Variants in IHO1 observed in about 807,000 individuals in gnomAD.
IHO1 encodes interactor of HORMAD1 protein 1.
A neutral mutation model predicts 31.0 loss-of-function variants in IHO1; 13 were observed. The ratio of observed to expected loss-of-function variants is 0.42; its 90% confidence interval spans 0.27 to 0.67. The LOEUF (loss-of-function observed/expected upper bound fraction) is 0.67, where lower values mean the gene tolerates loss of function less well. Ranked by LOEUF, IHO1 falls within the 30% of genes least tolerant of loss-of-function variation. The probability of loss-of-function intolerance (pLI) is 0.24; values close to 1 mark genes in which losing one functional copy is unlikely to be tolerated. For missense variants in IHO1, 599 were observed against 687.5 expected (o/e 0.87, Z 1.44); for synonymous variants, 221 against 248.4 (o/e 0.89, Z 1.04).
chr3:49,233,581 G>A (rs920092608), intron 2 of IHO1, among the ~76,000 whole-genome samples: 1 of 152,184 alleles, frequency 6.6e-6, no homozygotes, highest in Non-Finnish European at 1.5e-5. Context: ...AATCTGTGTT[G>A]TTTGTCTTTG....
At chr3:49,227,855 G>A (rs2046434688) in intron 2 of IHO1, among the ~76,000 whole-genome samples, 1 of 152,136 alleles carries the variant, frequency 6.6e-6, no homozygotes, top group African/African-American at 2.4e-5. Flanking sequence ...CTAGCTTCAG[G>A]AATAGCTTTT....
chr3:49,250,925 G>A (rs1388293889), intron 6 of IHO1, among the ~76,000 whole-genome samples: 1 of 151,948 alleles, frequency 6.6e-6, no homozygotes, highest in East Asian at 2.0e-4. Flanking sequence ...TCAGGAGGCT[G>A]AGGCAGGAGA....
In IHO1 at chr3:49,257,338, G is replaced by A. The variant is rs2046838730; in HGVS notation, c.*56G>A. 1 of 1,537,280 alleles carries A rather than the reference G, an allele frequency of 6.5e-7. No individual in the cohort carries two copies. On this transcript the variant is annotated 3_prime_UTR_variant, in exon 8 of 8. Transcript: ENST00000452691. The stretch of plus-strand genomic sequence containing the variant: ...TAGAAAGAGAAATTGCAGGACATTT[G>A]GGCTGGCCAACAGCAGAAAGTCCCT...
intron 1 of IHO1, among the ~76,000 whole-genome samples, chr3:49,210,792 G>A (rs914267728): frequency 1.0e-4 from 15 of 148,554 alleles, no homozygotes; most frequent in African/African-American, 7.5e-5. Flanking sequence ...CTGCCTCCTG[G>A]GTTCAAGCAA....
chr3:49,221,433 G>A (rs995693349), intron 2 of IHO1, among the ~76,000 whole-genome samples: 1 of 152,218 alleles, frequency 6.6e-6, no homozygotes, highest in African/African-American at 2.4e-5. Context: ...GATTGGTGCA[G>A]TTACAATCCT....
intron 2 of IHO1, among the ~76,000 whole-genome samples, chr3:49,215,055 CTT>C (rs879326053): frequency 5.7e-5 from 8 of 141,402 alleles, no homozygotes; most frequent in African/African-American, 7.7e-5. Context: ...TGCCTTCTCT[CTT>C]TTTTTTTTTT....
chr3:49,209,758 A>G (rs1231943548), intron 1 of IHO1, among the ~76,000 whole-genome samples: 1 of 151,072 alleles, frequency 6.6e-6, no homozygotes, highest in Non-Finnish European at 1.5e-5. Context: ...ACTGTCGCCC[A>G]GGCTGGAGTG....
At chr3:49,226,827 C>G (rs1241696123) in intron 2 of IHO1, among the ~76,000 whole-genome samples, 1 of 152,122 alleles carries the variant, frequency 6.6e-6, no homozygotes, top group African/African-American at 2.4e-5. Flanking sequence ...TGAAATCTTC[C>G]CCAGATCTAC....
At chr3:49,207,376 G>C (rs918691871) in intron 1 of IHO1, among the ~76,000 whole-genome samples, 3 of 151,554 alleles carry the variant, frequency 2.0e-5, no homozygotes, top group African/African-American at 7.3e-5. Flanking sequence ...CTCCCGAGTA[G>C]CTGGGACTAC....
intron 2 of IHO1, among the ~76,000 whole-genome samples, chr3:49,224,852 G>A (rs562911741): frequency 3.2e-4 from 48 of 152,078 alleles, no homozygotes; most frequent in African/African-American, 1.1e-3. Flanking sequence ...TGAGGGCTAC[G>A]CATGTATGTA....
intron 3 of IHO1, among the ~76,000 whole-genome samples, chr3:49,239,989 A>G (rs1575582854): frequency 6.6e-6 from 1 of 152,178 alleles, no homozygotes; most frequent in Non-Finnish European, 1.5e-5. Flanking sequence ...ATAAACTTAC[A>G]TGCATCAAAT....
chr3:49,233,531 C>G (rs1421599494), intron 2 of IHO1, among the ~76,000 whole-genome samples: 2 of 152,204 alleles, frequency 1.3e-5, no homozygotes, highest in African/African-American at 4.8e-5. Flanking sequence ...TAGATAAAGA[C>G]ACTTGGAGGC....
chr3:49,202,633 C>T (rs1423550742), intron 1 of IHO1, among the ~76,000 whole-genome samples: 2 of 151,824 alleles, frequency 1.3e-5, no homozygotes, highest in African/African-American at 4.8e-5. Flanking sequence ...ACCTCGGCCT[C>T]CCAAAGTGCT....
At position 49,256,754 on chromosome 3, in the gene IHO1, T is replaced by C; in HGVS notation, c.1257T>C (p.Cys419=). ...QKYQAQSMFL[C]DPREHLVIKQ... Reference sequence around the variant, plus strand: ...ATCAAGCCCAAAGTATGTTTTTGTGTGACCCACGTGAACATTTGGTGATTA... The same window carrying C: ...ATCAAGCCCAAAGTATGTTTTTGTGCGACCCACGTGAACATTTGGTGATTA... The change falls in exon 8 of 8, where the codon TGT becomes TGC. Residue 419 remains cysteine (C), a synonymous_variant. Transcript: ENST00000452691. The surrounding 1 kb of genome is among the most constrained non-coding windows in gnomAD (Gnocchi z 4.6). 1 of 1,614,214 alleles carries C rather than the reference T, an allele frequency of 6.2e-7. No individual in the cohort carries two copies. Among genetic ancestry groups the C allele is most frequent in the Non-Finnish European group, 8.5e-7 (1 of 1,180,044 alleles).
chr3:49,195,533 C>G (rs1441193442), upstream of IHO1, among the ~76,000 whole-genome samples: 3 of 149,568 alleles, frequency 2.0e-5, no homozygotes, highest in Non-Finnish European at 4.4e-5. Flanking sequence ...CTGGCTAACA[C>G]GGTGAAACCC....
intron 2 of IHO1, among the ~76,000 whole-genome samples, chr3:49,221,559 T>C (rs2046356151): frequency 1.3e-5 from 2 of 152,326 alleles, no homozygotes; most frequent in Non-Finnish European, 2.9e-5. Context: ...AATTGGGTGA[T>C]GACCGCTATA....
In IHO1 at chr3:49,230,900, CCTAGTCTCA is replaced by C. The variant is rs200849466; in HGVS notation, c.57-5643_57-5635del. Among the ~76,000 whole-genome samples the C allele has an allele frequency of 2.0e-4, 30 of 152,266 alleles. No homozygotes were observed. In the East Asian group the frequency reaches 4.3e-3, roughly 22 times the overall value. On this transcript the variant is annotated intron_variant, in intron 2 of 7. Transcript: ENST00000452691. ...TCTATTTTCTATCTTTAGAGGAGGT[CCTAGTCTCA>C]CTAGCCCTCAACAATTAACAAAGGA...
At chr3:49,235,128 G>A (rs906051447) in intron 2 of IHO1, among the ~76,000 whole-genome samples, 4 of 152,068 alleles carry the variant, frequency 2.6e-5, no homozygotes, top group African/African-American at 7.2e-5. Context: ...GATTACAGGC[G>A]TGAGCCACCG....
intron 7 of IHO1, 38 bp downstream of exon 7, chr3:49,255,531 G>A: frequency 7.8e-7 from 1 of 1,285,148 alleles, no homozygotes; most frequent in Non-Finnish European, 1.1e-6. Context: ...AGTGTGTTTT[G>A]GGCTTTGAAC....
Sources: allele counts gnomAD v4.1 joint callset (sites outside exome capture counted in the v4.1 genomes callset), GRCh38; gene constraint gnomAD v4.1.1; non-coding constraint Gnocchi (gnomAD v3.1); transcripts MANE v1.5; gene names NCBI Gene and HGNC (gene_info 2026-07-23, HGNC 2026-07-21).